The following RAPGEF6 variants were observed in gnomAD, a reference collection of about 807,000 sequenced individuals.
The protein encoded by RAPGEF6 is Rap guanine nucleotide exchange factor 6, also known as PDZ domain containing guanine nucleotide exchange factor (GEF) 2.
A neutral mutation model predicts 171.4 loss-of-function variants in RAPGEF6; 56 were observed. The ratio of observed to expected loss-of-function variants is 0.33; its 90% CI spans 0.26 to 0.41. The LOEUF (loss-of-function observed/expected upper bound fraction) is 0.41. RAPGEF6 is among the 10% of genes least tolerant of loss of function. The probability of loss-of-function intolerance (pLI) is 1.00; values close to 1 mark genes in which losing one functional copy is unlikely to be tolerated. For missense variants in RAPGEF6, 1,674 were observed against 1,921.4 expected (o/e 0.87, Z 2.41); for synonymous variants, 692 against 650.1 (o/e 1.06, Z -0.98).
rs540886587 is a variant in RAPGEF6 at position 131,543,286 on chromosome 5, T to C, written c.495+4761A>G. 3.9e-5 allele frequency among the ~76,000 whole-genome samples: 6 copies of C among 152,214 alleles called. No individual in the cohort carries two copies. The South Asian group carries it at 8.3e-4, about 21-fold the overall frequency. On this transcript the variant is annotated intron_variant, in intron 6 of 27. Coordinates refer to ENST00000509018, the MANE Select transcript of RAPGEF6 (RefSeq NM_016340.6). ...TAGGGCAACAAGTTCAGAGAGAAGA[T>C]AAAAAATTTTAAATCAAATAAACTG...
At chr5:131,546,664 G>T (rs762454439) in intron 6 of RAPGEF6, among the ~76,000 whole-genome samples, 1 of 151,718 alleles carries the variant, frequency 6.6e-6, no homozygotes, top group Non-Finnish European at 1.5e-5. Context: ...CAAATATCAA[G>T]AACTGAATAA....
chr5:131,455,488 A>T (rs1753422630), intron 20 of RAPGEF6, among the ~76,000 whole-genome samples: 1 of 152,124 alleles, frequency 6.6e-6, no homozygotes. Context: ...TTGATCTCCC[A>T]ACCTCATGAT....
intron 17 of RAPGEF6, among the ~76,000 whole-genome samples, chr5:131,469,975 G>A (rs1754631636): frequency 6.6e-6 from 1 of 151,916 alleles, no homozygotes; most frequent in African/African-American, 2.4e-5. Flanking sequence ...ATCAAACTTG[G>A]CTGTTACACA....
At chr5:131,429,272 G>A in intron 26 of RAPGEF6, 56 bp from the exon 27 acceptor site, 9 of 1,355,528 alleles carry the variant, frequency 6.6e-6, no homozygotes, top group African/African-American at 1.5e-5. Context: ...GAAAAAAAAA[G>A]AAACCACCCC....
chr5:131,430,225 A>C (rs1362200772), intron 26 of RAPGEF6, among the ~76,000 whole-genome samples: 1 of 152,172 alleles, frequency 6.6e-6, no homozygotes, highest in Non-Finnish European at 1.5e-5. Flanking sequence ...TTCAAAGTAG[A>C]GTCATTCCAT....
chr5:131,562,959 A>G (rs1286864615), intron 4 of RAPGEF6, among the ~76,000 whole-genome samples: 1 of 152,170 alleles, frequency 6.6e-6, no homozygotes, highest in Non-Finnish European at 1.5e-5. Context: ...CAGTATTTTT[A>G]TATTCTTGGT....
intron 3 of RAPGEF6, among the ~76,000 whole-genome samples, chr5:131,595,139 T>C (rs997761276): frequency 6.6e-6 from 1 of 152,146 alleles, no homozygotes; most frequent in Admixed American, 6.5e-5. Context: ...CATGTTGAAT[T>C]GTAATCCTCA....
intron 16 of RAPGEF6, 150 bp from the exon 17 acceptor site, chr5:131,472,894 T>C: frequency 1.5e-6 from 1 of 650,850 alleles, no homozygotes; most frequent in Non-Finnish European, 2.5e-6. Flanking sequence ...AAAAGACAAT[T>C]GTAATGATGA....
rs1007644354 is a variant in RAPGEF6, at chr5:131,508,324, A to C, written c.806-117T>G. On this transcript the variant is annotated intron_variant, in intron 8 of 27. Coordinates refer to ENST00000509018, the MANE Select transcript of RAPGEF6 (RefSeq NM_016340.6). The stretch of plus-strand genomic sequence containing the variant: ...ATCAACTTATAAATTTATGTTGCTA[A>C]AGTAGAGAAACTAAGGTACTATTTG... The C allele has an allele frequency of 8.4e-6, 9 of 1,074,142 alleles. No homozygotes were observed. In the African/African-American group the frequency reaches 1.5e-4, roughly 18 times the overall value. The allele number at this position is 1,074,142 out of a possible 1,614,324, so 66.5% of individuals were successfully genotyped here. A position where few individuals can be genotyped will look rare whatever the true frequency, so the allele number is the denominator to read the frequency against.
intron 21 of RAPGEF6, among the ~76,000 whole-genome samples, chr5:131,452,100 G>C (rs1753126532): frequency 6.6e-6 from 1 of 151,996 alleles, no homozygotes; most frequent in East Asian, 1.9e-4. Context: ...GGCGCCTGTT[G>C]TTCCAGCTAC....
intron 15 of RAPGEF6, among the ~76,000 whole-genome samples, chr5:131,483,167 G>A (rs1017115879): frequency 4.6e-5 from 7 of 151,916 alleles, no homozygotes; most frequent in Non-Finnish European, 8.8e-5. Flanking sequence ...TGGCCAAAAT[G>A]GTGAAACTCC....
intron 21 of RAPGEF6, chr5:131,449,888 G>A (rs1752949407): frequency 1.1e-6 from 1 of 941,240 alleles, no homozygotes; most frequent in Non-Finnish European, 1.6e-6. Context: ...TTAGCAGAAG[G>A]CATTTGTCAG....
At chr5:131,520,938 C>G (rs1165211621) in intron 7 of RAPGEF6, among the ~76,000 whole-genome samples, 1 of 152,146 alleles carries the variant, frequency 6.6e-6, no homozygotes. Context: ...CATCAATATT[C>G]TCACTAATTT....
chr5:131,431,828 A>G (rs1258125776), intron 25 of RAPGEF6, among the ~76,000 whole-genome samples: 4 of 152,180 alleles, frequency 2.6e-5, no homozygotes, highest in African/African-American at 4.8e-5. Flanking sequence ...TAAAGATGAG[A>G]GTTGAAATGA....
chr5:131,545,795 C>T (rs1157324116), intron 6 of RAPGEF6, among the ~76,000 whole-genome samples: 1 of 152,186 alleles, frequency 6.6e-6, no homozygotes, highest in East Asian at 1.9e-4. Context: ...GCTTCTCTAA[C>T]CCGGTCTCAT....
At chr5:131,492,816 A>T in intron 13 of RAPGEF6, 31 bp from the exon 14 acceptor site, 1 of 1,564,620 alleles carries the variant, frequency 6.4e-7, no homozygotes. Flanking sequence ...AATGTATATA[A>T]ATGTATCTAT....
At chr5:131,612,863 G>T (rs937670300) in intron 1 of RAPGEF6, among the ~76,000 whole-genome samples, 1 of 152,076 alleles carries the variant, frequency 6.6e-6, no homozygotes, top group Non-Finnish European at 1.5e-5. Flanking sequence ...ATATGAGAAA[G>T]AATTAGAAAT....
intron 21 of RAPGEF6, among the ~76,000 whole-genome samples, chr5:131,451,661 T>C (rs1753083794): frequency 6.6e-6 from 1 of 152,206 alleles, no homozygotes; most frequent in Non-Finnish European, 1.5e-5. Context: ...TCACTGGTTC[T>C]ATTGGGTTAC....
intron 4 of RAPGEF6, among the ~76,000 whole-genome samples, chr5:131,590,570 A>G (rs1004620976): frequency 6.6e-6 from 1 of 152,200 alleles, no homozygotes; most frequent in Non-Finnish European, 1.5e-5. Context: ...AACCTACAAT[A>G]GCCTATTATA....
Sources: allele counts gnomAD v4.1 joint callset (sites outside exome capture counted in the v4.1 genomes callset), GRCh38; gene constraint gnomAD v4.1.1; transcripts MANE v1.5; gene names NCBI Gene and HGNC (gene_info 2026-07-23, HGNC 2026-07-21).